Variants in TMC1 observed in about 807,000 individuals in gnomAD.
The protein encoded by TMC1 is transmembrane channel-like protein 1.
In TMC1, 84 loss-of-function variants were observed where a neutral mutation model predicts 105.8. The observed-to-expected ratio is 0.79, with a 90% CI of 0.67 to 0.95. The LOEUF (loss-of-function observed/expected upper bound fraction) is 0.95. Among genes scored for constraint, TMC1 ranks in the 40% least tolerant of loss-of-function variants. The probability of loss-of-function intolerance (pLI) is 0.00; values close to 1 mark genes in which losing one functional copy is unlikely to be tolerated. For missense variants in TMC1, 817 were observed against 914.1 expected, an observed-to-expected ratio of 0.89 and a Z score of 1.37; for synonymous variants, 315 against 311.5, an observed-to-expected ratio of 1.01 and a Z score of -0.12.
At chr9:72,672,448 C>A (rs1826138358) in intron 5 of TMC1, among the ~76,000 whole-genome samples, 1 of 151,594 alleles carries the variant, frequency 6.6e-6, no homozygotes, top group South Asian at 2.1e-4. Flanking sequence ...ATGTAAATGG[C>A]CTAAATACCC....
At chr9:72,743,566 C>CAAAAAA (rs386415092) in intron 10 of TMC1, among the ~76,000 whole-genome samples, 1 of 101,696 alleles carries the variant, frequency 9.8e-6, no homozygotes, top group Non-Finnish European at 2.1e-5. Context: ...GACTCTGTTT[C>CAAAAAA]AAAAAAAAAA....
rs374096788 is a variant in TMC1 at position 72,696,484 on chromosome 9, CT to C, written c.236+1778del. Among the ~76,000 whole-genome samples, 103 of 152,046 alleles carry C rather than the reference CT, an allele frequency of 6.8e-4. No homozygotes were observed. The East Asian group carries it at 9.8e-3, about 15-fold the overall frequency. On this transcript the variant is annotated intron_variant, in intron 7 of 23. Coordinates refer to ENST00000297784, the MANE Select transcript of TMC1 (RefSeq NM_138691.3). ...TATTGTTCATTTTGAAGATAAACAT[CT>C]TTTTTTTAAAAGAAAATCTTAGATA...
At chr9:72,604,297 CA>C (rs1208699116) in intron 2 of TMC1, among the ~76,000 whole-genome samples, 1 of 151,878 alleles carries the variant, frequency 6.6e-6, no homozygotes, top group Non-Finnish European at 1.5e-5. Context: ...AATATAACTG[CA>C]AAAAAGCATT....
At chr9:72,614,214 A>G (rs932777806) in intron 2 of TMC1, among the ~76,000 whole-genome samples, 4 of 152,252 alleles carry the variant, frequency 2.6e-5, no homozygotes. Context: ...TTGAAGAACA[A>G]TGACACATGG....
At chr9:72,595,143 G>C (rs575300391) in intron 2 of TMC1, among the ~76,000 whole-genome samples, 132 of 152,242 alleles carry the variant, frequency 8.7e-4, no homozygotes, top group Admixed American at 1.7e-3. Flanking sequence ...TGGAATTACA[G>C]GTGTGAGCCA....
intron 4 of TMC1, among the ~76,000 whole-genome samples, chr9:72,643,766 G>A (rs942873392): frequency 6.6e-6 from 1 of 152,148 alleles, no homozygotes; most frequent in Non-Finnish European, 1.5e-5. Context: ...AGGGACATAT[G>A]CTTTCATTTC....
chr9:72,739,049 G>C (rs1402463554), intron 8 of TMC1, among the ~76,000 whole-genome samples: 1 of 152,124 alleles, frequency 6.6e-6, no homozygotes, highest in African/African-American at 2.4e-5. Context: ...AGTTCAAGCT[G>C]ATAGAACAAA....
chr9:72,612,282 C>T (rs1179098096), intron 2 of TMC1, among the ~76,000 whole-genome samples: 1 of 152,114 alleles, frequency 6.6e-6, no homozygotes, highest in African/African-American at 2.4e-5. Flanking sequence ...GTGATCCTTC[C>T]ACCTCAGCCT....
intron 2 of TMC1, among the ~76,000 whole-genome samples, chr9:72,614,800 C>A (rs563894572): frequency 1.3e-5 from 2 of 152,234 alleles, no homozygotes; most frequent in South Asian, 4.2e-4. Flanking sequence ...TGTGTCTCAG[C>A]CTCCTGAGTA....
Position 72,835,935 on chromosome 9 carries a change from T to TTA in TMC1, c.2261-16_2261-15insTA. 5.8e-6 allele frequency: 9 copies of TTA among 1,545,840 alleles called. No homozygotes were observed. Among genetic ancestry groups the TTA allele is most frequent in the Non-Finnish European group, 7.8e-6 (9 of 1,150,114 alleles). On this transcript the variant is annotated splice_polypyrimidine_tract_variant and intron_variant, in intron 23 of 23. Transcript: ENST00000297784. ...TCCTTGTTTTTTTTTTTTTTTTTTT[T>TTA]CTGTTTTGTGAACAGCTGCAGCTGC...
rs748887932 is a variant in TMC1, at chr9:72,821,098, A to G, written c.2003+17A>G. 5 of 1,613,964 alleles carry G rather than the reference A, an allele frequency of 3.1e-6. No homozygotes were observed. In the African/African-American group the frequency reaches 4.0e-5, roughly 13 times the overall value. ...TCCATTCAGGTCTCTTGCTTTTGAA[A>G]TTTGACTCAGGCATCGTGTTCTTTC... On this transcript the variant is annotated intron_variant, in intron 20 of 23. Coordinates refer to ENST00000297784, the MANE Select transcript of TMC1 (RefSeq NM_138691.3).
At chr9:72,762,531 G>C (rs529283596) in intron 12 of TMC1, among the ~76,000 whole-genome samples, 1 of 152,282 alleles carries the variant, frequency 6.6e-6, no homozygotes, top group East Asian at 1.9e-4. Flanking sequence ...GCCTACCTCC[G>C]TGCTGGGTCA....
chr9:72,565,209 G>T (rs1422708110), intron 1 of TMC1, among the ~76,000 whole-genome samples: 1 of 152,160 alleles, frequency 6.6e-6, no homozygotes, highest in Non-Finnish European at 1.5e-5. Flanking sequence ...ACATATTGAT[G>T]CATTTGAAAC....
chr9:72,834,819 C>G (rs1030269524), intron 23 of TMC1, among the ~76,000 whole-genome samples: 3 of 152,126 alleles, frequency 2.0e-5, no homozygotes, highest in African/African-American at 7.2e-5. Context: ...CAGACTCTAA[C>G]TGCTGCTGTT....
At chr9:72,769,007 CCTTT>C (rs1341969420) in intron 12 of TMC1, among the ~76,000 whole-genome samples, 2 of 152,116 alleles carry the variant, frequency 1.3e-5, no homozygotes, top group African/African-American at 4.8e-5. Context: ...TTGTTTCTTT[CCTTT>C]CTTTCACTGA....
chr9:72,715,263 A>G (rs1174591179), intron 8 of TMC1, among the ~76,000 whole-genome samples: 2 of 152,126 alleles, frequency 1.3e-5, no homozygotes, highest in Non-Finnish European at 2.9e-5. Flanking sequence ...CTTGAGCAGT[A>G]TCTTTGTGGT....
At chr9:72,612,239 C>T (rs1825039548) in intron 2 of TMC1, among the ~76,000 whole-genome samples, 1 of 152,136 alleles carries the variant, frequency 6.6e-6, no homozygotes, top group South Asian at 2.1e-4. Flanking sequence ...TGTATGCTTA[C>T]TACTCACTGC....
rs1369557008 is a variant in TMC1, at chr9:72,648,666, T to G, written c.16+2T>G. ...CCCCCAGGATGTCACCCAAAAAAGG[T>G]ATTTACAAAATCAAGACTGTCTGTA... On this transcript the variant is annotated splice_donor_variant, in intron 5 of 23. Transcript: ENST00000297784. LOFTEE classifies it high-confidence loss of function. The G allele has an allele frequency of 1.2e-6, 2 of 1,612,698 alleles. No homozygotes were observed. Among genetic ancestry groups the G allele is most frequent in the Non-Finnish European group, 1.7e-6 (2 of 1,178,810 alleles).
At chr9:72,599,899 A>T (rs1824779669) in intron 2 of TMC1, among the ~76,000 whole-genome samples, 1 of 152,192 alleles carries the variant, frequency 6.6e-6, no homozygotes, top group South Asian at 2.1e-4. Flanking sequence ...TTGCTGAGAG[A>T]CTGATATTTA....
Sources: allele counts gnomAD v4.1 joint callset (sites outside exome capture counted in the v4.1 genomes callset), GRCh38; gene constraint gnomAD v4.1.1; transcripts MANE v1.5; gene names NCBI Gene and HGNC (gene_info 2026-07-23, HGNC 2026-07-21).